ATG14: variants seen among roughly 807,000 people sequenced by gnomAD.
ATG14 encodes the protein beclin 1-associated autophagy-related key regulator.
ATG14 carries 35 observed loss-of-function variants against 60.4 expected under a neutral mutation model. The ratio of observed to expected loss-of-function variants is 0.58; its 90% CI spans 0.44 to 0.77. The LOEUF (loss-of-function observed/expected upper bound fraction) is 0.77, where lower values mean the gene tolerates loss of function less well. Among genes scored for constraint, ATG14 ranks in the 30% least tolerant of loss-of-function variants. The pLI, the probability that ATG14 is intolerant of heterozygous loss-of-function variation, is 0.00. For synonymous variants in ATG14, 234 were observed against 228.8 expected (o/e 1.02, Z -0.21); for missense variants, 647 against 626.3 (o/e 1.03, Z -0.35).
At chr14:55,397,527 G>A (rs1950054050) in intron 1 of ATG14, 93 bp from the exon 2 acceptor site, 1 of 1,002,700 alleles carries the variant, frequency 1.0e-6, no homozygotes, top group Admixed American at 2.0e-5. Context: ...ATTCTGCAGA[G>A]TCATGTGAAA....
chr14:55,405,255 C>G (rs1489277031), intron 1 of ATG14, among the ~76,000 whole-genome samples: 1 of 152,192 alleles, frequency 6.6e-6, no homozygotes, highest in Non-Finnish European at 1.5e-5. Context: ...GAAGGGAGAA[C>G]AGAAGTATCT....
In ATG14 at chr14:55,369,618, G is replaced by C; in HGVS notation, c.*1C>G. ...ATTTGGTATGTTTTGGTCCATGCTC[G>C]TTAACGGTGTCCAGTGTAAGCTTTA... On this transcript the variant is annotated 3_prime_UTR_variant, in exon 10 of 10. Coordinates refer to ENST00000247178, the MANE Select transcript of ATG14 (RefSeq NM_014924.5). 2 of 1,510,906 alleles carry C rather than the reference G, an allele frequency of 1.3e-6. No individual in the cohort carries two copies. The highest frequency in any genetic ancestry group is 1.8e-6 in the Non-Finnish European group (2 of 1,127,950). 93.6% of individuals were successfully genotyped at this position (1,510,906 alleles called of 1,614,324 possible). A position where few individuals can be genotyped will look rare whatever the true frequency, so the allele number is the denominator to read the frequency against.
chr14:55,374,883 ACT>A (rs1378376333), intron 9 of ATG14, among the ~76,000 whole-genome samples: 7 of 152,116 alleles, frequency 4.6e-5, no homozygotes, highest in African/African-American at 1.4e-4. Context: ...TGCTAACAGC[ACT>A]CTGTTTTAAT....
chr14:55,393,110 G>A (rs879835690), intron 3 of ATG14, among the ~76,000 whole-genome samples: 34 of 152,160 alleles, frequency 2.2e-4, no homozygotes, highest in South Asian at 8.3e-4. Flanking sequence ...GACTGGGCGC[G>A]GTGGCTCACG....
At chr14:55,397,221 C>T (rs1566584207) in intron 2 of ATG14, 151 bp downstream of exon 2, 4 of 730,368 alleles carry the variant, frequency 5.5e-6, no homozygotes, top group Non-Finnish European at 9.5e-6. Flanking sequence ...TGCTTTACCT[C>T]TCCCACATGC....
rs138121286 is a variant in ATG14, at chr14:55,400,197, T to G, written c.222-2763A>C. ...GGCTCTGCAGTCTCCATCCCACCAC[T>G]CACAGAAGGAGATAAAAAATTCATT... On this transcript the variant is annotated intron_variant, in intron 1 of 9. Coordinates refer to ENST00000247178, the MANE Select transcript of ATG14 (RefSeq NM_014924.5). Among the ~76,000 whole-genome samples the G allele has an allele frequency of 9.9e-5, 15 of 152,280 alleles. No individual in the cohort carries two copies. The East Asian group carries it at 2.9e-3, about 29-fold the overall frequency.
In ATG14 at chr14:55,369,624, G is replaced by A. The variant is rs1356113103; in HGVS notation, c.1474C>T (p.Arg492Cys). The change falls in exon 10 of 10, where the codon CGT becomes TGT. Residue 492 changes from arginine (R) to cysteine (C), a missense_variant. Arg to Cys is a radical substitution (Grantham distance 180). Transcript: ENST00000247178. Reference protein sequence around the residue: ...TSWFKAYTGHR With the variant: ...TSWFKAYTGHC ...TATGTTTTGGTCCATGCTCGTTAACGGTGTCCAGTGTAAGCTTTAAACCAG... is the reference window on the plus strand; with the variant it reads ...TATGTTTTGGTCCATGCTCGTTAACAGTGTCCAGTGTAAGCTTTAAACCAG... 3 of 1,514,050 alleles carry A rather than the reference G, an allele frequency of 2.0e-6. No homozygotes were observed. Among genetic ancestry groups the A allele is most frequent in the African/African-American group, 1.4e-5 (1 of 72,012 alleles). The allele number at this position is 1,514,050 out of a possible 1,614,324, so 93.8% of individuals were successfully genotyped here.
chr14:55,369,853 T>A lies in ATG14; in HGVS notation c.1245A>T (p.Glu415Asp), dbSNP rs749660957. The change falls in exon 10 of 10, where the codon GAA (glutamate) becomes GAT (aspartate). Residue 415 changes from glutamate (E) to aspartate (D), a missense_variant. Transcript: ENST00000247178. Reference sequence around the variant, plus strand: ...CGCGCTCATCTCCGCTCTCATCTGATTCTCCAGCAACTCCGGGATCCACAA... The same window carrying A: ...CGCGCTCATCTCCGCTCTCATCTGAATCTCCAGCAACTCCGGGATCCACAA... ...MEFVDPGVAGESDESGDERVS... is the reference protein window; with the variant it reads ...MEFVDPGVAGDSDESGDERVS... The A allele has an allele frequency of 1.2e-5, 19 of 1,614,156 alleles. No homozygotes were observed. Among genetic ancestry groups the A allele is most frequent in the Non-Finnish European group, 1.5e-5 (18 of 1,180,022 alleles).
At chr14:55,389,297 C>T (rs950036195) in intron 4 of ATG14, among the ~76,000 whole-genome samples, 7 of 152,256 alleles carry the variant, frequency 4.6e-5, no homozygotes, top group Admixed American at 2.0e-4. Flanking sequence ...CATGGTAAGA[C>T]GGGGAGAGCA....
intron 6 of ATG14, among the ~76,000 whole-genome samples, 185 bp from the exon 7 acceptor site, chr14:55,380,875 A>ATATATATATTTTTTTTT (rs377330757): frequency 7.1e-5 from 8 of 112,696 alleles, no homozygotes; most frequent in Non-Finnish European, 1.2e-4. Context: ...ATATATATAT[A>ATATATATATTTTTTTTT]TTTTTTTTTT....
At position 55,381,010 on chromosome 14, in the gene ATG14, T is replaced by C. The variant is rs571419258; in HGVS notation, c.878-320A>G. Among the ~76,000 whole-genome samples, 9 of 151,784 alleles carry C rather than the reference T, an allele frequency of 5.9e-5. No individual in the cohort carries two copies. The East Asian group carries it at 1.6e-3, about 26-fold the overall frequency. ...CAAAACAATAAATGCCCAACTTGAATGTCACCTCTCCAGAGAGGGCTCTCC... is the reference window on the plus strand; with the variant it reads ...CAAAACAATAAATGCCCAACTTGAACGTCACCTCTCCAGAGAGGGCTCTCC... On this transcript the variant is annotated intron_variant, in intron 6 of 9. Coordinates refer to ENST00000247178, the MANE Select transcript of ATG14 (RefSeq NM_014924.5).
intron 1 of ATG14, among the ~76,000 whole-genome samples, chr14:55,402,355 T>C (rs1885412551): frequency 6.6e-6 from 1 of 152,114 alleles, no homozygotes; most frequent in Non-Finnish European, 1.5e-5. Context: ...AAAATAGATT[T>C]CAAATAAGCA....
chr14:55,410,951 T>C (rs529331009), intron 1 of ATG14, among the ~76,000 whole-genome samples: 4 of 152,278 alleles, frequency 2.6e-5, no homozygotes, highest in Non-Finnish European at 4.4e-5. Context: ...AACCAAAACA[T>C]TTTCCTAAAG....
chr14:55,387,652 T>G (rs1468457401), intron 4 of ATG14, among the ~76,000 whole-genome samples: 1 of 152,128 alleles, frequency 6.6e-6, no homozygotes, highest in Non-Finnish European at 1.5e-5. Flanking sequence ...GGTATTTGGT[T>G]GCACGCATTA....
At chr14:55,372,668 C>T (rs1294599971) in intron 9 of ATG14, among the ~76,000 whole-genome samples, 1 of 151,846 alleles carries the variant, frequency 6.6e-6, no homozygotes, top group Non-Finnish European at 1.5e-5. Flanking sequence ...CCTTCCTTCG[C>T]TCCTCCCTGC....
In ATG14 at chr14:55,367,095, T is replaced by C. The variant is rs529109931; in HGVS notation, c.*2524A>G. 6 of 152,704 alleles carry C rather than the reference T, an allele frequency of 3.9e-5. No homozygotes were observed. Among genetic ancestry groups the C allele is most frequent in the African/African-American group, 1.2e-4 (5 of 41,552 alleles). 9.5% of individuals were successfully genotyped at this position (152,704 alleles called of 1,614,324 possible). ...CATAAAGTTCCCACATCTTTGTAAATTTTGTGGAAGTACTCTAGATGAGTT... is the reference window on the plus strand; with the variant it reads ...CATAAAGTTCCCACATCTTTGTAAACTTTGTGGAAGTACTCTAGATGAGTT... On this transcript the variant is annotated 3_prime_UTR_variant, in exon 10 of 10. Coordinates refer to ENST00000247178, the MANE Select transcript of ATG14 (RefSeq NM_014924.5).
rs1441757774 is a variant in ATG14 at position 55,369,712 on chromosome 14, G to A, written c.1386C>T (p.Ser462=). ...CTGCACTGCTGCTCGCGATGGGTGGGGACGCCTGGGTGCTCTGACTCTGGG... is the reference window on the plus strand; with the variant it reads ...CTGCACTGCTGCTCGCGATGGGTGGAGACGCCTGGGTGCTCTGACTCTGGG... ...EVSQSQSTQA[S]PPIASSSAGG... The change falls in exon 10 of 10, where the codon TCC becomes TCT. Residue 462 remains serine (S), a synonymous_variant. Transcript: ENST00000247178. 2 of 1,610,970 alleles carry A rather than the reference G, an allele frequency of 1.2e-6. No individual in the cohort carries two copies. The highest frequency in any genetic ancestry group is 1.7e-6 in the Non-Finnish European group (2 of 1,177,836).
At position 55,386,111 on chromosome 14, in the gene ATG14, T is replaced by C; in HGVS notation, c.410-15A>G. The stretch of plus-strand genomic sequence containing the variant: ...GCCTTCAGAATCTAAAATAAATAAA[T>C]CACACCCAACAATTATCTCTGCAAA... On this transcript the variant is annotated splice_polypyrimidine_tract_variant and intron_variant, in intron 4 of 9. Transcript: ENST00000247178. 1 of 1,593,536 alleles carries C rather than the reference T, an allele frequency of 6.3e-7. No homozygotes were observed. The highest frequency in any genetic ancestry group is 8.6e-7 in the Non-Finnish European group (1 of 1,167,284).
intron 4 of ATG14, among the ~76,000 whole-genome samples, chr14:55,387,035 T>C (rs1311940844): frequency 6.6e-6 from 1 of 152,172 alleles, no homozygotes; most frequent in African/African-American, 2.4e-5. Context: ...TCTAGGCCTT[T>C]CTTTTCATTC....
Sources: allele counts gnomAD v4.1 joint callset (sites outside exome capture counted in the v4.1 genomes callset), GRCh38; gene constraint gnomAD v4.1.1; transcripts MANE v1.5; gene names NCBI Gene and HGNC (gene_info 2026-07-23, HGNC 2026-07-21).